The following KLHDC4 variants were observed in gnomAD, a reference collection of about 807,000 sequenced individuals.
The protein encoded by KLHDC4 is kelch domain-containing protein 4.
A neutral mutation model predicts 62.4 loss-of-function variants in KLHDC4; 90 were observed. The observed-to-expected ratio is 1.44, with a 90% confidence interval of 1.22 to 1.72. The LOEUF (loss-of-function observed/expected upper bound fraction) is 1.72, where lower values mean the gene tolerates loss of function less well. KLHDC4 is among the 40% of genes most tolerant of loss of function. The pLI is 0.00. For synonymous variants in KLHDC4, 386 were observed against 284.4 expected (o/e 1.36, Z -3.59); for missense variants, 1,025 against 699.7 (o/e 1.47, Z -5.25).
At chr16:87,702,301 GC>G (rs2142878228) in exon 14 of KLHDC4, 1 of 456,306 alleles carries the variant, frequency 2.2e-6, no homozygotes, top group African/African-American at 2.0e-5. Context: ...GGGCCGGTCT[GC>G]CGGGGGCTCC....
At chr16:87,725,237 G>A (rs1280362400) in intron 7 of KLHDC4, among the ~76,000 whole-genome samples, 1 of 152,174 alleles carries the variant, frequency 6.6e-6, no homozygotes, top group African/African-American at 2.4e-5. Context: ...GAGTCACACG[G>A]TGCCCGCACT....
rs189032664 is a variant in KLHDC4 at position 87,758,892 on chromosome 16, T to A, written c.192-2415A>T. 2.5e-3 allele frequency among the ~76,000 whole-genome samples: 344 copies of A among 137,586 alleles called. 2 individuals carry two copies. The Middle Eastern group carries it at 0.037, about 15-fold the overall frequency. 90.3% of individuals were successfully genotyped at this position (137,586 alleles called of 152,430 possible). A position where few individuals can be genotyped will look rare whatever the true frequency, so the allele number is the denominator to read the frequency against. The stretch of plus-strand genomic sequence containing the variant: ...GTTTTAATGATTAAAATGGCAAATT[T>A]TGGCCAGGCGCATTGGCTCATGCCT... On this transcript the variant is annotated intron_variant, in intron 2 of 11. Coordinates refer to ENST00000270583, the MANE Select transcript of KLHDC4 (RefSeq NM_017566.4).
chr16:87,738,224 C>T (rs1357949823), intron 5 of KLHDC4, among the ~76,000 whole-genome samples: 3 of 152,156 alleles, frequency 2.0e-5, no homozygotes, highest in African/African-American at 4.8e-5. Flanking sequence ...CGTAAAGTAA[C>T]GGAATCATCC....
intron 7 of KLHDC4, among the ~76,000 whole-genome samples, chr16:87,720,993 C>T (rs1275430841): frequency 2.0e-5 from 3 of 152,246 alleles, no homozygotes; most frequent in African/African-American, 7.2e-5. Context: ...ATACCTGAAG[C>T]TGGGCCCCAG....
At chr16:87,747,251 TCA>T (rs1161685266) in intron 5 of KLHDC4, among the ~76,000 whole-genome samples, 2 of 151,914 alleles carry the variant, frequency 1.3e-5, no homozygotes, top group African/African-American at 4.9e-5. Flanking sequence ...CCGCATTCTA[TCA>T]CAGAGACTTC....
chr16:87,709,316 G>C lies in KLHDC4; in HGVS notation c.1396C>G (p.Leu466Val), dbSNP rs2035300490. 6.2e-7 allele frequency: 1 copy of C among 1,613,302 alleles called. No homozygotes were observed. Among genetic ancestry groups the C allele is most frequent in the Non-Finnish European group, 8.5e-7 (1 of 1,179,946 alleles). The change falls in exon 10 of 12, where the codon CTG (leucine) becomes GTG (valine). Residue 466 changes from leucine (L) to valine (V), a missense_variant. Transcript: ENST00000270583. ...CACGCCTCCATCCTGTGCAGGTCCA[G>C]GCAGTGCAGGTCGCTGAGGGTGACC... ...RQVTLSDLHCLDLHRMEAWKA... is the reference protein window; with the variant it reads ...RQVTLSDLHCVDLHRMEAWKA...
At chr16:87,744,655 G>C (rs928032840) in intron 5 of KLHDC4, among the ~76,000 whole-genome samples, 9 of 150,502 alleles carry the variant, frequency 6.0e-5, no homozygotes, top group African/African-American at 9.7e-5. Context: ...AAAAAGCAAA[G>C]ACTTTAAGTA....
At chr16:87,738,123 G>T (rs1209498580) in intron 5 of KLHDC4, among the ~76,000 whole-genome samples, 2 of 152,130 alleles carry the variant, frequency 1.3e-5, no homozygotes, top group African/African-American at 4.8e-5. Context: ...AGCAGGGTGT[G>T]TCCATTCCTA....
At chr16:87,744,406 A>G (rs1219861343) in intron 5 of KLHDC4, among the ~76,000 whole-genome samples, 1 of 137,106 alleles carries the variant, frequency 7.3e-6, no homozygotes, top group Non-Finnish European at 1.6e-5. Flanking sequence ...CGAGAATGAG[A>G]CTCCGTCTCC....
In KLHDC4 at chr16:87,709,774, G is replaced by A. The variant is rs560739494; in HGVS notation, c.1045-107C>T. The A allele has an allele frequency of 9.0e-4, 1,180 of 1,304,558 alleles. 2 individuals are homozygous for A. The highest frequency in any genetic ancestry group is 1.1e-3 in the Non-Finnish European group (1,093 of 973,732). 80.8% of individuals were successfully genotyped at this position (1,304,558 alleles called of 1,614,324 possible). ...GGGTTTGCGGGGACCACCCACAAGC[G>A]TGGGGAGTGTGTGACCCAGGAAGGC... On this transcript the variant is annotated intron_variant, in intron 9 of 11. Coordinates refer to ENST00000270583, the MANE Select transcript of KLHDC4 (RefSeq NM_017566.4).
intron 3 of KLHDC4, 55 bp from the exon 4 acceptor site, chr16:87,755,347 G>A (rs1159743035): frequency 5.3e-6 from 5 of 940,038 alleles, no homozygotes; most frequent in Non-Finnish European, 8.6e-6. Flanking sequence ...CCAAGGAAGT[G>A]GTGAGAACAA....
exon 1 of KLHDC4, chr16:87,701,400 C>T (rs908955164): frequency 6.0e-6 from 2 of 335,558 alleles, no homozygotes; most frequent in Non-Finnish European, 5.9e-6. Context: ...CCATTAGGAA[C>T]AAATGCTCTT....
At chr16:87,744,816 T>C (rs60141285) in intron 5 of KLHDC4, among the ~76,000 whole-genome samples, 11,804 of 152,194 alleles carry the variant, frequency 0.078, 1,481 homozygotes, top group African/African-American at 0.27. Flanking sequence ...ACGTACAGTG[T>C]GCACGCACCA....
exon 1 of KLHDC4, chr16:87,702,584 T>G (rs1211011471): frequency 3.5e-6 from 1 of 281,790 alleles, no homozygotes; most frequent in Non-Finnish European, 7.1e-6. Flanking sequence ...AGGACTCTGC[T>G]CATCTGCACC....
chr16:87,753,799 C>T (rs1482714969), intron 4 of KLHDC4, among the ~76,000 whole-genome samples: 1 of 136,114 alleles, frequency 7.3e-6, no homozygotes, highest in Admixed American at 7.8e-5. Context: ...GAGACTCCAT[C>T]TCAAGGAGAA....
intron 5 of KLHDC4, among the ~76,000 whole-genome samples, chr16:87,747,063 A>G (rs367709199): frequency 7.2e-5 from 11 of 152,342 alleles, no homozygotes; most frequent in Admixed American, 2.6e-4. Flanking sequence ...AGGTACCCAC[A>G]GTGCATCCCT....
At chr16:87,701,588 G>C (rs1367945147) in exon 1 of KLHDC4, 1 of 419,276 alleles carries the variant, frequency 2.4e-6, no homozygotes, top group Non-Finnish European at 4.9e-6. Context: ...CCAGGCCGCT[G>C]GGTTTCTGGG....
At chr16:87,716,584 G>A (rs1008908170) in intron 7 of KLHDC4, among the ~76,000 whole-genome samples, 3 of 152,046 alleles carry the variant, frequency 2.0e-5, no homozygotes, top group African/African-American at 2.4e-5. Flanking sequence ...CCTACGATTC[G>A]CCATTTCTCA....
chr16:87,716,915 G>C (rs916959104), intron 7 of KLHDC4, among the ~76,000 whole-genome samples: 5 of 152,118 alleles, frequency 3.3e-5, no homozygotes, highest in African/African-American at 1.2e-4. Flanking sequence ...CTGGGCGACA[G>C]AGCGAGACTC....
Sources: gnomAD v4.1 joint callset for allele counts (sites outside exome capture counted in the v4.1 genomes callset) on GRCh38, gnomAD v4.1.1 for gene constraint, MANE v1.5 for transcripts, NCBI Gene and HGNC (gene_info 2026-07-23, HGNC 2026-07-21) for gene names.